Variants in VWA3A observed in about 807,000 individuals in gnomAD.
VWA3A encodes the protein von Willebrand factor A domain containing 3A.
A neutral mutation model predicts 160.4 loss-of-function variants in VWA3A; 134 were observed. The ratio of observed to expected loss-of-function variants is 0.84; its 90% CI spans 0.73 to 0.96. VWA3A has a LOEUF of 0.96. Among genes scored for constraint, VWA3A ranks in the 40% least tolerant of loss-of-function variants. The pLI is 0.00. For missense variants in VWA3A, 1,310 were observed against 1,447.9 expected, an observed-to-expected ratio of 0.90 and a Z score of 1.55; for synonymous variants, 476 against 543.4, an observed-to-expected ratio of 0.88 and a Z score of 1.72.
intron 9 of VWA3A, among the ~76,000 whole-genome samples, chr16:22,115,856 A>C: frequency 1.6e-4 from 1 of 6,098 alleles, no homozygotes; most frequent in Admixed American, 1.0e-3. Context: ...GAAGGAAGGA[A>C]GGAAGGAAGG....
chr16:22,113,647 G>A (rs1220069526), intron 8 of VWA3A, among the ~76,000 whole-genome samples: 1 of 151,882 alleles, frequency 6.6e-6, no homozygotes, highest in Non-Finnish European at 1.5e-5. Context: ...CACCCAGGCC[G>A]GAGTTCAGTG....
chr16:22,141,217 C>T, intron 23 of VWA3A: 1 of 484,748 alleles, frequency 2.1e-6, no homozygotes, highest in Non-Finnish European at 4.1e-6. Flanking sequence ...GGCAGAGTGG[C>T]TCAGAGCAGA....
At chr16:22,101,356 G>A (rs557852337) in intron 5 of VWA3A, among the ~76,000 whole-genome samples, 30 of 152,228 alleles carry the variant, frequency 2.0e-4, no homozygotes, top group Admixed American at 1.8e-3. Flanking sequence ...AATTGATTGC[G>A]TTCATAACTT....
rs146187167 is a variant in VWA3A at position 22,116,538 on chromosome 16, G to A, written c.816-221G>A. On this transcript the variant is annotated intron_variant, in intron 9 of 33. Coordinates refer to ENST00000389398, the MANE Select transcript of VWA3A (RefSeq NM_173615.5). ...CAACAATGACTCTTCACACACACACGAGGGAAGGACTACAGTCACAGGCCA... is the reference window on the plus strand; with the variant it reads ...CAACAATGACTCTTCACACACACACAAGGGAAGGACTACAGTCACAGGCCA... Among the ~76,000 whole-genome samples, 8 of 152,286 alleles carry A rather than the reference G, an allele frequency of 5.3e-5. No homozygotes were observed. In the East Asian group the frequency reaches 5.8e-4, roughly 11 times the overall value.
chr16:22,134,719 T>G (rs561286122), intron 21 of VWA3A, among the ~76,000 whole-genome samples: 2 of 152,170 alleles, frequency 1.3e-5, no homozygotes, highest in Admixed American at 6.5e-5. Flanking sequence ...TCTTTTAAAA[T>G]GGCAAGGAAG....
chr16:22,111,110 T>A, intron 8 of VWA3A, 116 bp downstream of exon 8: 1 of 836,138 alleles, frequency 1.2e-6, no homozygotes, highest in Non-Finnish European at 1.8e-6. Context: ...GATAAGTGAG[T>A]ACAAAGAGAC....
intron 3 of VWA3A, 110 bp from the exon 4 acceptor site, chr16:22,100,084 A>C: frequency 1.5e-6 from 2 of 1,361,324 alleles, no homozygotes; most frequent in Non-Finnish European, 9.7e-7. Flanking sequence ...TCAAAAAAAA[A>C]AAAAGATAGG....
rs771419391 is a variant in VWA3A, at chr16:22,141,689, G to A, written c.2491G>A (p.Val831Met). 30 of 1,606,860 alleles carry A rather than the reference G, an allele frequency of 1.9e-5. 1 individual carries two copies. The highest frequency in any genetic ancestry group is 5.1e-5 in the Admixed American group (3 of 58,756). Residue 831 changes from valine (V) to methionine (M), a missense_variant, in exon 24 of 34, where the codon GTG becomes ATG. Physicochemically the swap from Val to Met is conservative, Grantham distance 21. Transcript: ENST00000389398. ...LLFYTEKGND[V>M]GSVYKKYPQG... is the part of the protein sequence containing the mutation. Reference sequence around the variant, plus strand: ...GTTCTACACAGAGAAAGGGAATGACGTGGGTAAGTTAGAGGCTATACAGGT... The same window carrying A: ...GTTCTACACAGAGAAAGGGAATGACATGGGTAAGTTAGAGGCTATACAGGT...
intron 12 of VWA3A, among the ~76,000 whole-genome samples, chr16:22,119,989 T>C (rs1402279303): frequency 6.6e-6 from 1 of 151,258 alleles, no homozygotes; most frequent in Non-Finnish European, 1.5e-5. Flanking sequence ...CTGCACTCCA[T>C]CTTGGGTAAC....
intron 4 of VWA3A, 37 bp from the exon 5 acceptor site, chr16:22,100,379 G>T: frequency 6.4e-7 from 1 of 1,551,618 alleles, no homozygotes; most frequent in African/African-American, 1.4e-5. Context: ...AACCCCCTGG[G>T]CCCGAGAGAT....
rs1285219578 is a variant in VWA3A at position 22,142,901 on chromosome 16, A to G, written c.2592+136A>G. On this transcript the variant is annotated intron_variant, in intron 25 of 33. Transcript: ENST00000389398. ...CACAGTGACTCACACCTGTAATCCC[A>G]GCACTTTGGGAGGCTGAGGTGGGTG... is the stretch of plus-strand genomic sequence containing the variant. The G allele has an allele frequency of 6.0e-6, 4 of 663,940 alleles. No individual in the cohort carries two copies. The East Asian group carries it at 1.3e-4, about 22-fold the overall frequency. 41.1% of individuals were successfully genotyped at this position (663,940 alleles called of 1,614,324 possible). A position where few individuals can be genotyped will look rare whatever the true frequency, so the allele number is the denominator to read the frequency against.
chr16:22,109,439 C>T (rs1012493424), intron 6 of VWA3A, 43 bp from the exon 7 acceptor site: 17 of 1,507,210 alleles, frequency 1.1e-5, no homozygotes, highest in South Asian at 4.8e-5. Context: ...AGGAGACACA[C>T]AGACTTGCAC....
At chr16:22,116,656 G>A (rs139126543) in intron 9 of VWA3A, 103 bp from the exon 10 acceptor site, 16,092 of 924,040 alleles carry the variant, frequency 0.017, 173 homozygotes, top group Non-Finnish European at 0.022. Context: ...CAGGTGGCCA[G>A]TTAAGAATGG....
At chr16:22,152,311 C>T (rs969030112) in intron 30 of VWA3A, among the ~76,000 whole-genome samples, 200 bp from the exon 31 acceptor site, 3 of 152,172 alleles carry the variant, frequency 2.0e-5, no homozygotes, top group Non-Finnish European at 4.4e-5. Context: ...TTCCCTCAAG[C>T]AGCAGCAGTT....
At chr16:22,127,307 A>C (rs933018061) in intron 17 of VWA3A, among the ~76,000 whole-genome samples, 1 of 104,150 alleles carries the variant, frequency 9.6e-6, no homozygotes, top group Non-Finnish European at 1.6e-5. Flanking sequence ...TTGTATTTCT[A>C]GTAGAGATGG....
intron 17 of VWA3A, among the ~76,000 whole-genome samples, chr16:22,126,617 C>T (rs2045854220): frequency 6.6e-6 from 1 of 152,052 alleles, no homozygotes; most frequent in Non-Finnish European, 1.5e-5. Context: ...AAGGAAGGAC[C>T]CCAGCCATGC....
Position 22,119,038 on chromosome 16 carries a change from C to T in VWA3A, c.1116+11C>T, listed in dbSNP as rs749761023. The T allele has an allele frequency of 2.1e-5, 33 of 1,600,274 alleles. No individual in the cohort carries two copies. The highest frequency in any genetic ancestry group is 1.6e-4 in the Middle Eastern group (1 of 6,062). On this transcript the variant is annotated intron_variant, in intron 12 of 33. Coordinates refer to ENST00000389398, the MANE Select transcript of VWA3A (RefSeq NM_173615.5). Reference sequence around the variant, plus strand: ...TGCACCATGGAGGAGGTAGGTGGTGCGAGTGTCAATTCTGGGGCCTTCTCC... The same window carrying T: ...TGCACCATGGAGGAGGTAGGTGGTGTGAGTGTCAATTCTGGGGCCTTCTCC...
intron 31 of VWA3A, 53 bp downstream of exon 31, chr16:22,152,687 A>G: frequency 1.9e-6 from 3 of 1,555,930 alleles, no homozygotes; most frequent in Non-Finnish European, 2.6e-6. Flanking sequence ...TCGATAAAAT[A>G]TCAACAGGCA....
chr16:22,115,832 GGGAAGGAAGGAAGGAAGGAAGGAA>G (rs1190018283), intron 9 of VWA3A, among the ~76,000 whole-genome samples: 12 of 88,264 alleles, frequency 1.4e-4, no homozygotes, highest in Non-Finnish European at 3.1e-4. Flanking sequence ...GTGAGACCCA[GGGAAGGAAGGAAGGAAGGAAGGAA>G]GGAAGGAAGG....
Sources: allele counts gnomAD v4.1 joint callset (sites outside exome capture counted in the v4.1 genomes callset), GRCh38; gene constraint gnomAD v4.1.1; transcripts MANE v1.5; gene names NCBI Gene and HGNC (gene_info 2026-07-23, HGNC 2026-07-21).